XXYLT1: variants seen among roughly 807,000 people sequenced by gnomAD.
The protein encoded by XXYLT1 is UDP-xylose:alpha-xyloside alpha-1,3-xylosyltransferase.
A neutral mutation model predicts 28.9 loss-of-function variants in XXYLT1; 20 were observed. The observed-to-expected ratio is 0.69, with a 90% CI of 0.49 to 1.00. XXYLT1 has a LOEUF of 1.00. Among genes scored for constraint, XXYLT1 ranks in the 50% least tolerant of loss-of-function variants. XXYLT1 has a pLI of 0.00. For missense variants in XXYLT1, 542 were observed against 560.1 expected (o/e 0.97, Z 0.33); for synonymous variants, 257 against 253.8 (o/e 1.01, Z -0.12).
chr3:195,143,758 T>C (rs898472942), intron 3 of XXYLT1, among the ~76,000 whole-genome samples: 5 of 143,988 alleles, frequency 3.5e-5, no homozygotes, highest in Admixed American at 1.4e-4. Context: ...ACCTTTTCTT[T>C]TGAGAGCTAA....
intron 1 of XXYLT1, among the ~76,000 whole-genome samples, chr3:195,229,437 T>A (rs995444754): frequency 5.9e-5 from 9 of 152,352 alleles, no homozygotes; most frequent in African/African-American, 2.2e-4. Flanking sequence ...ATTAAACTAC[T>A]TTTTACTGTA....
chr3:195,110,213 C>CGTGTGTGGTGTATGTGCGT (rs1717468346), intron 3 of XXYLT1, among the ~76,000 whole-genome samples: 1 of 3,442 alleles, frequency 2.9e-4, no homozygotes, highest in East Asian at 4.8e-3. Flanking sequence ...GTGGTGTGTG[C>CGTGTGTGGTGTATGTGCGT]GTGTGTGGTG....
At chr3:195,207,520 G>A (rs1254547798) in intron 2 of XXYLT1, 4 of 455,176 alleles carry the variant, frequency 8.8e-6, no homozygotes, top group African/African-American at 2.0e-5. Context: ...AGATAGCCTT[G>A]CTCAAATACC....
At chr3:195,220,060 A>G (rs1193406440) in intron 2 of XXYLT1, among the ~76,000 whole-genome samples, 1 of 152,010 alleles carries the variant, frequency 6.6e-6, no homozygotes, top group Non-Finnish European at 1.5e-5. Context: ...TGTTATGGAG[A>G]TTTCAGAAAC....
At chr3:195,096,581 A>C (rs1716459847) in intron 3 of XXYLT1, among the ~76,000 whole-genome samples, 1 of 152,180 alleles carries the variant, frequency 6.6e-6, no homozygotes, top group Non-Finnish European at 1.5e-5. Flanking sequence ...TCTGAAGTTG[A>C]ACTCGTTTCT....
chr3:195,124,953 A>G lies in XXYLT1; in HGVS notation c.785+31496T>C, dbSNP rs542508121. On this transcript the variant is annotated intron_variant, in intron 3 of 3. Coordinates refer to ENST00000310380, the MANE Select transcript of XXYLT1 (RefSeq NM_152531.5). The surrounding 1 kb of genome is among the most constrained non-coding windows in gnomAD (Gnocchi z 4.1). ...GTTATTTGAAGGACAGAGGGAAAAG[A>G]GCAGTACGAATAAATGGCATCTCAG... 6.6e-6 allele frequency among the ~76,000 whole-genome samples: 1 copy of G among 152,352 alleles called. No homozygotes were observed. Among genetic ancestry groups the G allele is most frequent in the Admixed American group, 6.5e-5 (1 of 15,310 alleles).
At chr3:195,270,121 C>A in intron 1 of XXYLT1, 1 of 357,626 alleles carries the variant, frequency 2.8e-6, no homozygotes, top group Non-Finnish European at 5.5e-6. Flanking sequence ...ACTGCAACTT[C>A]AACACTTCCA....
rs1720164945 is a variant in XXYLT1 at position 195,150,772 on chromosome 3, G to A, written c.785+5677C>T. Among the ~76,000 whole-genome samples, 2 of 151,552 alleles carry A rather than the reference G, an allele frequency of 1.3e-5. No homozygotes were observed. Among genetic ancestry groups the A allele is most frequent in the South Asian group, 2.1e-4 (1 of 4,784 alleles). On this transcript the variant is annotated intron_variant, in intron 3 of 3. Coordinates refer to ENST00000310380, the MANE Select transcript of XXYLT1 (RefSeq NM_152531.5). The surrounding 1 kb of genome is among the most constrained non-coding windows in gnomAD (Gnocchi z 4.7). Reference sequence around the variant, plus strand: ...TAACAAAGGGCCACAGCCCACATACGCACACACTCACACACATATGCACAC... The same window carrying A: ...TAACAAAGGGCCACAGCCCACATACACACACACTCACACACATATGCACAC...
chr3:195,151,532 A>G (rs977937638), intron 3 of XXYLT1, among the ~76,000 whole-genome samples: 8 of 152,162 alleles, frequency 5.3e-5, no homozygotes, highest in Non-Finnish European at 1.2e-4. Context: ...TCTGTCTTTA[A>G]AAAATAAAAA....
chr3:195,109,620 GTGTGTGGTGTC>G (rs1163498376), intron 3 of XXYLT1, among the ~76,000 whole-genome samples: 1 of 145,384 alleles, frequency 6.9e-6, no homozygotes, highest in Non-Finnish European at 1.5e-5. Context: ...TTGTATGAGT[GTGTGTGGTGTC>G]TGTGTGGTGT....
intron 1 of XXYLT1, among the ~76,000 whole-genome samples, chr3:195,247,569 C>T (rs1165285037): frequency 6.6e-6 from 1 of 152,192 alleles, no homozygotes; most frequent in Non-Finnish European, 1.5e-5. Context: ...TCCGAATGGC[C>T]CCCCACCTCC....
intron 3 of XXYLT1, among the ~76,000 whole-genome samples, chr3:195,107,516 A>AAGG (rs1381174247): frequency 0.02 from 505 of 25,092 alleles, 126 homozygotes; most frequent in Non-Finnish European, 0.027. Flanking sequence ...GAAGAAGAAG[A>AAGG]AGGAGGAGGA....
intron 3 of XXYLT1, among the ~76,000 whole-genome samples, chr3:195,139,369 G>A (rs1034541982): frequency 6.6e-6 from 1 of 152,214 alleles, no homozygotes; most frequent in African/African-American, 2.4e-5. Flanking sequence ...GAGGCAGGGA[G>A]AGGGAACCAG....
intron 2 of XXYLT1, among the ~76,000 whole-genome samples, chr3:195,213,987 G>A (rs771833140): frequency 2.6e-5 from 4 of 152,218 alleles, no homozygotes; most frequent in African/African-American, 4.8e-5. Flanking sequence ...AGGAGCCATC[G>A]CAGGTGGGAG....
chr3:195,162,993 G>GT (rs772544730), intron 2 of XXYLT1, among the ~76,000 whole-genome samples: 5,141 of 151,932 alleles, frequency 0.034, 295 homozygotes, highest in African/African-American at 0.12. Flanking sequence ...ATAAGTTTTT[G>GT]GTTTTTTTTT....
chr3:195,111,999 C>A (rs1717744095), intron 3 of XXYLT1, among the ~76,000 whole-genome samples: 1 of 152,162 alleles, frequency 6.6e-6, no homozygotes, highest in South Asian at 2.1e-4. Flanking sequence ...GAACTCATTT[C>A]TTCTACAGTT....
chr3:195,167,848 A>T (rs1467107357), intron 2 of XXYLT1, among the ~76,000 whole-genome samples: 1 of 152,182 alleles, frequency 6.6e-6, no homozygotes, highest in Non-Finnish European at 1.5e-5. Context: ...GAAGTGTCAG[A>T]GCTGCTGAGG....
chr3:195,103,134 G>A (rs1560095616), intron 3 of XXYLT1, among the ~76,000 whole-genome samples: 1 of 152,238 alleles, frequency 6.6e-6, no homozygotes, highest in Admixed American at 6.5e-5. Context: ...GCTAGTAACA[G>A]TCAGTGCTGT....
At chr3:195,244,107 C>G (rs555733567) in intron 1 of XXYLT1, among the ~76,000 whole-genome samples, 2 of 152,216 alleles carry the variant, frequency 1.3e-5, no homozygotes, top group Non-Finnish European at 2.9e-5. Context: ...GTAACCAGAC[C>G]TGCAATGAAC....
Sources: gnomAD v4.1 joint callset for allele counts (sites outside exome capture counted in the v4.1 genomes callset) on GRCh38, gnomAD v4.1.1 for gene constraint, Gnocchi (gnomAD v3.1) non-coding constraint, MANE v1.5 for transcripts, NCBI Gene and HGNC (gene_info 2026-07-23, HGNC 2026-07-21) for gene names.